Variants in TEX11 observed in about 807,000 individuals in gnomAD.
The protein encoded by TEX11 is testis expressed 11, also known as testis-expressed protein 11.
In TEX11, 7 loss-of-function variants were observed where a neutral mutation model predicts 84.4. The observed-to-expected ratio is 0.08, with a 90% CI of 0.05 to 0.16. The LOEUF (loss-of-function observed/expected upper bound fraction) is 0.16. Among genes scored for constraint, TEX11 ranks in the 10% least tolerant of loss-of-function variants. The probability of loss-of-function intolerance (pLI) is 1.00; values close to 1 mark genes in which losing one functional copy is unlikely to be tolerated. For synonymous variants in TEX11, 264 were observed against 222.8 expected, an observed-to-expected ratio of 1.18 and a Z score of -1.64; for missense variants, 551 against 660.5, an observed-to-expected ratio of 0.83 and a Z score of 1.82.
chrX:70,890,279 C>G (rs1238363772), intron 2 of TEX11, among the ~76,000 whole-genome samples: 1 of 111,880 alleles, frequency 8.9e-6, no homozygotes, highest in Non-Finnish European at 1.9e-5. Context: ...GTGATCGACA[C>G]AGAAGACGGG....
intron 2 of TEX11, among the ~76,000 whole-genome samples, chrX:70,892,896 G>T (rs1002985175): frequency 9.0e-6 from 1 of 110,677 alleles, no homozygotes; most frequent in African/African-American, 3.3e-5. Context: ...AAAAGCAGGG[G>T]TTGCAATCCT....
At chrX:70,565,730 T>G (rs1186521101) in intron 25 of TEX11, among the ~76,000 whole-genome samples, 2 of 110,552 alleles carry the variant, frequency 1.8e-5, no homozygotes, top group Admixed American at 1.9e-4. Context: ...GCGGCTTTAT[T>G]TCTGAGGGCT....
At chrX:70,801,663 T>C (rs965813260) in intron 9 of TEX11, among the ~76,000 whole-genome samples, 6 of 93,903 alleles carry the variant, frequency 6.4e-5, no homozygotes, top group Admixed American at 1.3e-4. Context: ...CTTTCTTTCT[T>C]TCTTTCTTTC....
intron 13 of TEX11, among the ~76,000 whole-genome samples, chrX:70,701,631 T>C (rs1011012644): frequency 1.8e-5 from 2 of 112,307 alleles, no homozygotes; most frequent in South Asian, 7.4e-4. Flanking sequence ...ATTTAAGAAA[T>C]ACATTTTGCA....
intron 25 of TEX11, among the ~76,000 whole-genome samples, chrX:70,558,662 T>C (rs1410728782): frequency 1.8e-5 from 2 of 111,724 alleles, no homozygotes; most frequent in Non-Finnish European, 3.8e-5. Flanking sequence ...AATCAAGGCA[T>C]ATATCTGATC....
chrX:70,778,646 TTTG>T (rs201603553), intron 9 of TEX11, among the ~76,000 whole-genome samples: 2,268 of 104,973 alleles, frequency 0.022, 68 homozygotes, highest in South Asian at 0.14. Flanking sequence ...TTTGTTTGTT[TTTG>T]TTTTTTGTTT....
chrX:70,630,266 C>T (rs771931273), intron 17 of TEX11, among the ~76,000 whole-genome samples: 2 of 102,411 alleles, frequency 2.0e-5, no homozygotes, highest in South Asian at 9.5e-4. Context: ...GAGCCGAGAT[C>T]GGGCCACTGC....
At chrX:70,743,280 T>C (rs1235050185) in intron 10 of TEX11, among the ~76,000 whole-genome samples, 1 of 112,353 alleles carries the variant, frequency 8.9e-6, no homozygotes, top group African/African-American at 3.2e-5. Flanking sequence ...TTTTATCCTT[T>C]AATCATAAGT....
intron 10 of TEX11, among the ~76,000 whole-genome samples, chrX:70,743,040 C>T (rs961043994): frequency 8.1e-5 from 9 of 110,995 alleles, no homozygotes; most frequent in African/African-American, 3.0e-4. Context: ...AACAATAGTT[C>T]CCAATTCTCC....
the TEX11 span, among the ~76,000 whole-genome samples, chrX:70,517,169 C>G: frequency 0.23 from 25,359 of 109,854 alleles, 4,248 homozygotes; most frequent in African/African-American, 0.58. Flanking sequence ...TTGAATAGGA[C>G]TGGTGAGAGA....
intron 20 of TEX11, among the ~76,000 whole-genome samples, chrX:70,610,814 G>C (rs2089252114): frequency 8.9e-6 from 1 of 111,968 alleles, no homozygotes; most frequent in Non-Finnish European, 1.9e-5. Context: ...TTATATTGTA[G>C]GGTCATAACA....
chrX:70,754,352 C>T (rs186600834), intron 9 of TEX11, among the ~76,000 whole-genome samples: 35 of 111,441 alleles, frequency 3.1e-4, no homozygotes, highest in African/African-American at 1.1e-3. Flanking sequence ...AGGTGAGGTT[C>T]CTCTGCCTTT....
intron 5 of TEX11, among the ~76,000 whole-genome samples, chrX:70,858,819 C>T (rs2091552205): frequency 9.0e-6 from 1 of 111,544 alleles, no homozygotes; most frequent in African/African-American, 3.3e-5. Flanking sequence ...GGGCGGATCA[C>T]CTGAGCTCAG....
At chrX:70,719,718 C>T (rs1034794741) in intron 13 of TEX11, among the ~76,000 whole-genome samples, 4 of 112,179 alleles carry the variant, frequency 3.6e-5, no homozygotes, top group Admixed American at 9.5e-5. Flanking sequence ...AGGATATGAA[C>T]AGACACTTCT....
At chrX:70,732,937 C>T (rs1481943252) in intron 11 of TEX11, among the ~76,000 whole-genome samples, 2 of 112,082 alleles carry the variant, frequency 1.8e-5, no homozygotes, top group Non-Finnish European at 3.8e-5. Context: ...CAGCATAGTA[C>T]TGGTACCAAA....
intron 28 of TEX11, among the ~76,000 whole-genome samples, chrX:70,550,548 G>GA (rs908698185): frequency 8.1e-5 from 9 of 110,925 alleles, no homozygotes; most frequent in African/African-American, 1.3e-4. Context: ...AACTCTATAG[G>GA]AAAAAAAATC....
intron 7 of TEX11, among the ~76,000 whole-genome samples, chrX:70,850,040 A>G (rs2147850228): frequency 8.9e-6 from 1 of 112,111 alleles, no homozygotes; most frequent in Admixed American, 9.5e-5. Flanking sequence ...ATCTTGCAGG[A>G]AAGCTATTCC....
intron 16 of TEX11, among the ~76,000 whole-genome samples, chrX:70,655,237 T>C (rs1371139986): frequency 2.7e-5 from 3 of 111,260 alleles, no homozygotes; most frequent in Non-Finnish European, 5.7e-5. Flanking sequence ...ATACAGAAGA[T>C]TCAAATAAAA....
intron 9 of TEX11, among the ~76,000 whole-genome samples, chrX:70,764,173 C>T (rs758526559): frequency 9.0e-6 from 1 of 111,706 alleles, no homozygotes; most frequent in Non-Finnish European, 1.9e-5. Context: ...CCAACAACAA[C>T]AAGAATTTTG....
Sources: gnomAD v4.1 joint callset for allele counts (sites outside exome capture counted in the v4.1 genomes callset) on GRCh38, gnomAD v4.1.1 for gene constraint, MANE v1.5 for transcripts, NCBI Gene and HGNC (gene_info 2026-07-23, HGNC 2026-07-21) for gene names.